LRIG3: variants seen among roughly 807,000 people sequenced by gnomAD.
LRIG3 encodes the protein leucine rich repeats and immunoglobulin like domains 3, also known as leucine-rich repeats and immunoglobulin-like domains protein 3.
In LRIG3, 76 loss-of-function variants were observed where a neutral mutation model predicts 114.5. That is an observed-to-expected ratio of 0.66 (90% CI 0.55 to 0.80). The LOEUF is 0.80. Ranked by LOEUF, LRIG3 falls within the 30% of genes least tolerant of loss-of-function variation. LRIG3 has a pLI of 0.00. For synonymous variants in LRIG3, 512 were observed against 519.8 expected (o/e 0.98, Z 0.20); for missense variants, 1,239 against 1,382.8 (o/e 0.90, Z 1.65).
At position 58,883,000 on chromosome 12, in the gene LRIG3, C is replaced by T. The variant is rs769032949; in HGVS notation, c.1349G>A (p.Cys450Tyr). The change falls in exon 12 of 19, where the codon TGC becomes TAC. Residue 450 changes from cysteine to tyrosine, a missense_variant. Transcript: ENST00000320743. ...HLNTSSLLCDCQLKWLPQWVA... is the reference protein window; with the variant it reads ...HLNTSSLLCDYQLKWLPQWVA... ...CCACTGTGGGAGCCATTTTAGCTGG[C>T]AATCGCACAAAAGGCTTGATGTATT... is the stretch of plus-strand genomic sequence containing the variant. The T allele has an allele frequency of 1.2e-6, 2 of 1,613,874 alleles. No individual in the cohort carries two copies. The highest frequency in any genetic ancestry group is 1.7e-6 in the Non-Finnish European group (2 of 1,179,892).
chr12:58,877,959 C>T, intron 14 of LRIG3, 107 bp from the exon 15 acceptor site: 7 of 1,103,368 alleles, frequency 6.3e-6, no homozygotes, highest in Non-Finnish European at 8.9e-6. Flanking sequence ...TTTTATTCTC[C>T]CACAACTTAC....
At chr12:58,887,693 C>T in intron 8 of LRIG3, 96 bp downstream of exon 8, 1 of 1,271,984 alleles carries the variant, frequency 7.9e-7, no homozygotes. Context: ...AGGCTGTATG[C>T]ATTTCCTTGA....
rs1445079097 is a variant in LRIG3, at chr12:58,876,623, T to C, written c.2537-20A>G. On this transcript the variant is annotated intron_variant, in intron 15 of 18. Transcript: ENST00000320743. ...TCTCATCTGTAATAAAACAGCAGCATTTTATTAACCAAGGATGATCGTTAA... is the reference window on the plus strand; with the variant it reads ...TCTCATCTGTAATAAAACAGCAGCACTTTATTAACCAAGGATGATCGTTAA... 3 of 1,613,452 alleles carry C rather than the reference T, an allele frequency of 1.9e-6. No homozygotes were observed. The highest frequency in any genetic ancestry group is 2.5e-6 in the Non-Finnish European group (3 of 1,179,694).
In LRIG3 at chr12:58,877,761, G is replaced by T; in HGVS notation, c.2175C>A (p.Pro725=). 6.2e-7 allele frequency: 1 copy of T among 1,614,178 alleles called. No homozygotes were observed. The highest frequency in any genetic ancestry group is 8.5e-7 in the Non-Finnish European group (1 of 1,180,036). The change falls in exon 15 of 19, where the codon CCC becomes CCA. Residue 725 remains proline, a synonymous_variant. Coordinates refer to ENST00000320743, the MANE Select transcript of LRIG3 (RefSeq NM_153377.5). The part of the protein sequence containing the change: ...VLQCIAGGSP[P]PKLNWTKDDS... ...CATCTTTGGTCCAGTTCAGTTTAGG[G>T]GGAGGGCTTCCTCCAGCAATGCACT...
intron 13 of LRIG3, chr12:58,880,320 GAAAA>G: frequency 2.0e-6 from 1 of 487,846 alleles, no homozygotes; most frequent in South Asian, 2.1e-5. Context: ...AAAAGAAAAA[GAAAA>G]AAAAAAGAGC....
chr12:58,896,323 G>A lies in LRIG3; in HGVS notation c.384-5527C>T, dbSNP rs138844841. On this transcript the variant is annotated intron_variant, in intron 3 of 18. Transcript: ENST00000320743. ...ACTGTAATCTCCAGAAAGCATAAGT[G>A]TCTCAAAAGAACCTTCATGCTCTCT... 7.7e-3 allele frequency among the ~76,000 whole-genome samples: 1,167 copies of A among 152,294 alleles called. 13 individuals are homozygous for A. Among genetic ancestry groups the A allele is most frequent in the African/African-American group, 0.027 (1,109 of 41,556 alleles).
At chr12:58,874,005 C>T (rs1419363481) in intron 18 of LRIG3, 50 bp downstream of exon 18, 4 of 1,598,308 alleles carry the variant, frequency 2.5e-6, no homozygotes, top group Non-Finnish European at 3.4e-6. Flanking sequence ...TCACACACAA[C>T]TTGGAGTATG....
At position 58,920,099 on chromosome 12, in the gene LRIG3, G is replaced by A. The variant is rs892343919; in HGVS notation, c.137C>T (p.Pro46Leu). ...GAGGCAGCGGCAGGTAGTGGGGCAT[G>A]GGCGCTCGGCGGCTACCCCAGAGGG... ...GQPSGVAAERPCPTTCRCLGD... is the reference protein window; with the variant it reads ...GQPSGVAAERLCPTTCRCLGD... The change falls in exon 1 of 19, where the codon CCA (proline) becomes CTA (leucine). Residue 46 changes from proline to leucine, a missense_variant. Transcript: ENST00000320743. 1.9e-6 allele frequency: 3 copies of A among 1,553,458 alleles called. No homozygotes were observed. Among genetic ancestry groups the A allele is most frequent in the African/African-American group, 1.4e-5 (1 of 73,806 alleles).
At chr12:58,908,413 G>A (rs143646295) in intron 3 of LRIG3, among the ~76,000 whole-genome samples, 35 of 152,280 alleles carry the variant, frequency 2.3e-4, no homozygotes, top group African/African-American at 7.9e-4. Context: ...CACAGGGGCC[G>A]TGAAAAAGCT....
In LRIG3 at chr12:58,914,017, C is replaced by G; in HGVS notation, c.348G>C (p.Leu116=). ...NNNELETIPN[L]GPVSANITLL... ...GTGTAATATTTGCCGAGACTGGTCCCAGATTTGGAATGGTCTCCAATTCAT... is the reference window on the plus strand; with the variant it reads ...GTGTAATATTTGCCGAGACTGGTCCGAGATTTGGAATGGTCTCCAATTCAT... Residue 116 remains leucine, a synonymous_variant, in exon 3 of 19, where the codon CTG becomes CTC. Transcript: ENST00000320743. 6.2e-7 allele frequency: 1 copy of G among 1,611,768 alleles called. No individual in the cohort carries two copies. The highest frequency in any genetic ancestry group is 8.5e-7 in the Non-Finnish European group (1 of 1,179,582).
At chr12:58,897,239 T>C (rs547486149) in intron 3 of LRIG3, among the ~76,000 whole-genome samples, 2 of 152,292 alleles carry the variant, frequency 1.3e-5, no homozygotes, top group South Asian at 4.1e-4. Context: ...AGATTCTTGA[T>C]GAAGAATTAA....
chr12:58,886,263 C>T (rs530921913), intron 9 of LRIG3, among the ~76,000 whole-genome samples: 2 of 152,172 alleles, frequency 1.3e-5, no homozygotes, highest in Non-Finnish European at 2.9e-5. Flanking sequence ...CTCTCCTTCT[C>T]TGTGGATACC....
chr12:58,911,947 C>T (rs978721456), intron 3 of LRIG3, among the ~76,000 whole-genome samples: 6 of 152,144 alleles, frequency 3.9e-5, no homozygotes, highest in Non-Finnish European at 8.8e-5. Context: ...AATTACTCTT[C>T]GCAGAGTCTA....
intron 3 of LRIG3, among the ~76,000 whole-genome samples, chr12:58,905,908 T>C (rs1042403496): frequency 6.6e-6 from 1 of 152,200 alleles, no homozygotes. Flanking sequence ...AAAGACTCTA[T>C]AGGTATTCTG....
chr12:58,908,764 C>G (rs1872164523), intron 3 of LRIG3, among the ~76,000 whole-genome samples: 1 of 152,164 alleles, frequency 6.6e-6, no homozygotes, highest in Non-Finnish European at 1.5e-5. Context: ...CTAAGTGCAG[C>G]AGCATGTGGT....
At chr12:58,886,727 T>A in intron 9 of LRIG3, 83 bp downstream of exon 9, 1 of 1,099,332 alleles carries the variant, frequency 9.1e-7, no homozygotes, top group Middle Eastern at 2.0e-4. Context: ...CTCTTCATGA[T>A]GTCAACTTGT....
chr12:58,895,647 G>C (rs1480976767), intron 3 of LRIG3, among the ~76,000 whole-genome samples: 1 of 152,154 alleles, frequency 6.6e-6, no homozygotes, highest in East Asian at 1.9e-4. Context: ...ACTGTGGGGA[G>C]GGGGCCAGAG....
chr12:58,910,726 C>G (rs1303797831), intron 3 of LRIG3, among the ~76,000 whole-genome samples: 1 of 152,212 alleles, frequency 6.6e-6, no homozygotes, highest in East Asian at 1.9e-4. Context: ...CTGGGTAACA[C>G]TATATAAACC....
At chr12:58,909,012 C>T (rs943110906) in intron 3 of LRIG3, among the ~76,000 whole-genome samples, 41 of 152,142 alleles carry the variant, frequency 2.7e-4, no homozygotes, top group Non-Finnish European at 4.7e-4. Context: ...GCAGAGATGA[C>T]TCAATGTCCC....
Sources: allele counts gnomAD v4.1 joint callset (sites outside exome capture counted in the v4.1 genomes callset), GRCh38; gene constraint gnomAD v4.1.1; transcripts MANE v1.5; gene names NCBI Gene and HGNC (gene_info 2026-07-23, HGNC 2026-07-21).